HNRNPM: variants seen among roughly 807,000 people sequenced by gnomAD.
HNRNPM encodes heterogeneous nuclear ribonucleoprotein M.
A neutral mutation model predicts 73.1 loss-of-function variants in HNRNPM; 11 were observed. That is an observed-to-expected ratio of 0.15 (90% CI 0.09 to 0.25). HNRNPM has a LOEUF of 0.25. Among genes scored for constraint, HNRNPM ranks in the 10% least tolerant of loss-of-function variants. The pLI is 1.00. For synonymous variants in HNRNPM, 407 were observed against 355.2 expected, an observed-to-expected ratio of 1.15 and a Z score of -1.64; for missense variants, 789 against 1,067.9, an observed-to-expected ratio of 0.74 and a Z score of 3.64.
chr19:8,471,140 A>G (rs1486549696), intron 9 of HNRNPM, among the ~76,000 whole-genome samples, 186 bp from the exon 10 acceptor site: 1 of 145,760 alleles, frequency 6.9e-6, no homozygotes, highest in East Asian at 2.2e-4. Flanking sequence ...CATATCCCAA[A>G]CGCCGGAACA....
chr19:8,448,206 A>C (rs1369424046), intron 1 of HNRNPM, among the ~76,000 whole-genome samples: 1 of 152,116 alleles, frequency 6.6e-6, no homozygotes, highest in Non-Finnish European at 1.5e-5. Context: ...TGTGCAGTAG[A>C]CCACAAATGC....
intron 12 of HNRNPM, among the ~76,000 whole-genome samples, chr19:8,482,377 A>G (rs563950910): frequency 1.0e-3 from 157 of 152,336 alleles, no homozygotes; most frequent in African/African-American, 3.3e-3. Context: ...TGTCTTCTAC[A>G]TAGCAAAAGA....
intron 9 of HNRNPM, among the ~76,000 whole-genome samples, chr19:8,470,950 T>A (rs1260449307): frequency 6.6e-6 from 1 of 152,180 alleles, no homozygotes; most frequent in Non-Finnish European, 1.5e-5. Context: ...AGAAACATCC[T>A]TTGGGCTACT....
rs1969462938 is a variant in HNRNPM, at chr19:8,462,365, A to C, written c.284-164A>C. On this transcript the variant is annotated intron_variant, in intron 2 of 15. Coordinates refer to ENST00000325495, the MANE Select transcript of HNRNPM (RefSeq NM_005968.5). The surrounding 1 kb of genome is among the most constrained non-coding windows in gnomAD (Gnocchi z 4.5). ...ACGTGTTTTCACCTACTTTTACTGC[A>C]CACCTGTAATGCCTAGTTCGGTGGT... 6.3e-6 allele frequency: 4 copies of C among 638,282 alleles called. No homozygotes were observed. Among genetic ancestry groups the C allele is most frequent in the Non-Finnish European group, 1.1e-5 (4 of 349,080 alleles). 39.5% of individuals were successfully genotyped at this position (638,282 alleles called of 1,614,324 possible).
intron 12 of HNRNPM, among the ~76,000 whole-genome samples, chr19:8,477,707 T>TA (rs1970616765): frequency 7.5e-6 from 1 of 133,908 alleles, no homozygotes; most frequent in Non-Finnish European, 1.5e-5. Flanking sequence ...CCTTACAAAA[T>TA]ATGAGAAAGT....
intron 2 of HNRNPM, among the ~76,000 whole-genome samples, chr19:8,460,083 T>C (rs1969296603): frequency 1.3e-5 from 2 of 152,200 alleles, no homozygotes; most frequent in South Asian, 2.1e-4. Context: ...TGCCAAGCTG[T>C]CACCTCTACC....
intron 1 of HNRNPM, among the ~76,000 whole-genome samples, chr19:8,447,762 C>T (rs1258742000): frequency 6.6e-6 from 1 of 152,186 alleles, no homozygotes; most frequent in Non-Finnish European, 1.5e-5. Context: ...CCCGGCGGCT[C>T]ACGCCTGTAA....
chr19:8,450,628 C>T (rs1412273153), intron 1 of HNRNPM, among the ~76,000 whole-genome samples: 1 of 152,038 alleles, frequency 6.6e-6, no homozygotes, highest in Admixed American at 6.6e-5. Flanking sequence ...TCTTGAACTC[C>T]TGAGCTCAAG....
chr19:8,449,757 G>T lies in HNRNPM; in HGVS notation c.113+4646G>T, dbSNP rs1297761650. On this transcript the variant is annotated intron_variant, in intron 1 of 15. Coordinates refer to ENST00000325495, the MANE Select transcript of HNRNPM (RefSeq NM_005968.5). ...TCACCGTTTTAGCCGGGATGGTCTCGATCTCCTGACCTCGTGATCCGCCCG... is the reference window on the plus strand; with the variant it reads ...TCACCGTTTTAGCCGGGATGGTCTCTATCTCCTGACCTCGTGATCCGCCCG... Among the ~76,000 whole-genome samples the T allele has an allele frequency of 2.6e-4, 2 of 7,736 alleles. 1 individual carries two copies. The highest frequency in any genetic ancestry group is 2.7e-4 in the African/African-American group (2 of 7,292). 5.1% of individuals were successfully genotyped at this position (7,736 alleles called of 152,430 possible).
rs892798117 is a variant in HNRNPM, at chr19:8,485,959, A to C, written c.1531A>C (p.Met511Leu). 1.2e-6 allele frequency: 2 copies of C among 1,605,028 alleles called. No homozygotes were observed. Among genetic ancestry groups the C allele is most frequent in the East Asian group, 4.5e-5 (2 of 44,712 alleles). ...CCGTGTGGGCCAGACCATTGAGCGC[A>C]TGGGCTCTGGCGTGGAGCGCATGGG... ...IDRVGQTIER[M>L]GSGVERMGPA... is the part of the protein sequence containing the mutation. Residue 511 changes from methionine to leucine, a missense_variant, in exon 14 of 16, where the codon ATG (methionine) becomes CTG (leucine). By Grantham distance (15) the Met-to-Leu change is conservative. Coordinates refer to ENST00000325495, the MANE Select transcript of HNRNPM (RefSeq NM_005968.5).
intron 2 of HNRNPM, among the ~76,000 whole-genome samples, chr19:8,456,666 G>T (rs527896345): frequency 1.3e-5 from 2 of 152,198 alleles, no homozygotes; most frequent in Admixed American, 1.3e-4. Flanking sequence ...ATTGGATTTT[G>T]AAATTATGAA....
In HNRNPM at chr19:8,488,932, T is replaced by C; in HGVS notation, c.*78T>C. On this transcript the variant is annotated 3_prime_UTR_variant, in exon 16 of 16. Transcript: ENST00000325495. ...TTGTTAACCATTTTAATTTGTTGGC[T>C]GGATGTATAAAGATGTTTAAAAAAT... 7.5e-7 allele frequency: 1 copy of C among 1,329,208 alleles called. No homozygotes were observed. The allele number at this position is 1,329,208 out of a possible 1,614,324, so 82.3% of individuals were successfully genotyped here.
Position 8,466,340 on chromosome 19 carries a change from A to G in HNRNPM, c.736A>G (p.Ile246Val), listed in dbSNP as rs1230109123. 6.2e-7 allele frequency: 1 copy of G among 1,614,152 alleles called. No homozygotes were observed. Among genetic ancestry groups the G allele is most frequent in the Non-Finnish European group, 8.5e-7 (1 of 1,179,998 alleles). Residue 246 changes from isoleucine (I) to valine (V), a missense_variant, in exon 7 of 16, where the codon ATA (isoleucine) becomes GTA (valine). Ile to Val is a conservative substitution (Grantham distance 29). This residue lies in a region of HNRNPM where 604 missense variants were observed against 744.0 expected (regional missense o/e 0.81). Coordinates refer to ENST00000325495, the MANE Select transcript of HNRNPM (RefSeq NM_005968.5). ...LEDKDGKSRGIGTVTFEQSIE... is the reference protein window; with the variant it reads ...LEDKDGKSRGVGTVTFEQSIE... ...AGATAAAGATGGAAAAAGTCGTGGA[A>G]TAGGCACTGTTACTTTTGAACAGTC...
At chr19:8,485,335 C>CTAG (rs1971200810) in intron 13 of HNRNPM, among the ~76,000 whole-genome samples, 1 of 152,232 alleles carries the variant, frequency 6.6e-6, no homozygotes, top group South Asian at 2.1e-4. Flanking sequence ...CAGACACTAG[C>CTAG]ACCTCACAGA....
At position 8,489,015 on chromosome 19, in the gene HNRNPM, C is replaced by A; in HGVS notation, c.*161C>A. The A allele has an allele frequency of 3.0e-6, 2 of 656,212 alleles. No homozygotes were observed. The highest frequency in any genetic ancestry group is 5.0e-6 in the Non-Finnish European group (2 of 398,018). The allele number at this position is 656,212 out of a possible 1,614,324, so 40.6% of individuals were successfully genotyped here. On this transcript the variant is annotated 3_prime_UTR_variant, in exon 16 of 16. Coordinates refer to ENST00000325495, the MANE Select transcript of HNRNPM (RefSeq NM_005968.5). ...TTTTAATGACTGGGGTTCCATTTGA[C>A]TGTTTGCATTGAGATTGCAATGTGC...
intron 12 of HNRNPM, among the ~76,000 whole-genome samples, chr19:8,474,835 C>T (rs1970393363): frequency 6.6e-6 from 1 of 151,774 alleles, no homozygotes; most frequent in African/African-American, 2.4e-5. Flanking sequence ...CTGCCCCAGC[C>T]TCCTGAGTAG....
intron 3 of HNRNPM, among the ~76,000 whole-genome samples, chr19:8,463,140 G>A (rs1969503787): frequency 6.6e-6 from 1 of 152,190 alleles, no homozygotes; most frequent in African/African-American, 2.4e-5. Context: ...TTACGGAAGG[G>A]ATGGATTTAG....
At chr19:8,456,256 CAGGAGGCCCG>C (rs1179473101) in intron 2 of HNRNPM, among the ~76,000 whole-genome samples, 2 of 152,186 alleles carry the variant, frequency 1.3e-5, no homozygotes, top group Non-Finnish European at 2.9e-5. Context: ...CTGCTGCCAC[CAGGAGGCCCG>C]AGGAGGCCTG....
intron 1 of HNRNPM, among the ~76,000 whole-genome samples, chr19:8,452,765 C>G (rs1337582240): frequency 6.6e-6 from 1 of 152,122 alleles, no homozygotes; most frequent in Non-Finnish European, 1.5e-5. Flanking sequence ...ACCAGTGATA[C>G]CTCTGCTGGG....
Sources: allele counts gnomAD v4.1 joint callset (sites outside exome capture counted in the v4.1 genomes callset), GRCh38; gene constraint gnomAD v4.1.1; regional missense constraint gnomAD v4.1.1; non-coding constraint Gnocchi (gnomAD v3.1); transcripts MANE v1.5; gene names NCBI Gene and HGNC (gene_info 2026-07-23, HGNC 2026-07-21).